The following NEDD4L variants were observed in gnomAD, a reference collection of about 807,000 sequenced individuals.
NEDD4L encodes NEDD4 like E3 ubiquitin protein ligase.
In NEDD4L, 54 loss-of-function variants were observed where a neutral mutation model predicts 148.9. The ratio of observed to expected loss-of-function variants is 0.36; its 90% CI spans 0.29 to 0.45. The LOEUF (loss-of-function observed/expected upper bound fraction) is 0.45. NEDD4L is among the 20% of genes least tolerant of loss of function. The pLI is 1.00. For missense variants in NEDD4L, 856 were observed against 1,233.8 expected (o/e 0.69, Z 4.59); for synonymous variants, 433 against 440.7 (o/e 0.98, Z 0.22).
chr18:58,097,903 C>A (rs551427064), intron 1 of NEDD4L, among the ~76,000 whole-genome samples: 7 of 152,192 alleles, frequency 4.6e-5, no homozygotes, highest in Non-Finnish European at 1.0e-4. Flanking sequence ...TGGTAGTGAA[C>A]CTATAGTCCC....
chr18:58,386,357 AT>A (rs974155743), intron 26 of NEDD4L, among the ~76,000 whole-genome samples: 1 of 150,976 alleles, frequency 6.6e-6, no homozygotes, highest in East Asian at 2.0e-4. Flanking sequence ...AGCCATGGAC[AT>A]TTTTTTTTAA....
intron 1 of NEDD4L, among the ~76,000 whole-genome samples, chr18:58,134,290 C>T (rs1183239470): frequency 6.6e-5 from 10 of 152,112 alleles, no homozygotes; most frequent in East Asian, 3.9e-4. Context: ...CATGAGCTAC[C>T]GCACCTGGCC....
rs1478646619 is a variant in NEDD4L at position 58,329,026 on chromosome 18, A to C, written c.712A>C (p.Arg238=). The change falls in exon 10 of 31, where the codon AGA becomes CGA. Residue 238 remains arginine, a synonymous_variant. Coordinates refer to ENST00000400345, the MANE Select transcript of NEDD4L (RefSeq NM_001144967.3). The part of the protein sequence containing the change: ...DVSSESDNNI[R]QINQEAAHRR... ...GTCCTCGGAGTCGGACAATAACATC[A>C]GACAGATCAACCAGGAGGCAGCACA... 1 of 1,613,876 alleles carries C rather than the reference A, an allele frequency of 6.2e-7. No homozygotes were observed. The highest frequency in any genetic ancestry group is 1.3e-5 in the African/African-American group (1 of 74,914).
intron 5 of NEDD4L, among the ~76,000 whole-genome samples, chr18:58,298,379 T>A (rs1034656729): frequency 6.6e-6 from 1 of 152,188 alleles, no homozygotes; most frequent in African/African-American, 2.4e-5. Context: ...TAGTAAAATA[T>A]GCAGCAACAA....
Position 58,169,118 on chromosome 18 carries a change from G to C in NEDD4L, c.122+3257G>C, listed in dbSNP as rs371496090. On this transcript the variant is annotated intron_variant, in intron 2 of 30. Transcript: ENST00000400345. ...CTGGAGGTGGCCCCTTCCCCCTTGA[G>C]AGGCCTGTGCCTGAAATGCCCTTGT... Among the ~76,000 whole-genome samples, 25 of 152,354 alleles carry C rather than the reference G, an allele frequency of 1.6e-4. No individual in the cohort carries two copies. In the East Asian group the frequency reaches 4.2e-3, roughly 26 times the overall value.
At chr18:58,359,168 G>T (rs1452730076) in intron 19 of NEDD4L, among the ~76,000 whole-genome samples, 2 of 151,904 alleles carry the variant, frequency 1.3e-5, no homozygotes, top group East Asian at 3.9e-4. Context: ...TTGCCCTGTC[G>T]ATGTTGTCTG....
At chr18:58,076,544 G>T (rs1270362737) in intron 1 of NEDD4L, among the ~76,000 whole-genome samples, 1 of 152,164 alleles carries the variant, frequency 6.6e-6, no homozygotes, top group Admixed American at 6.5e-5. Flanking sequence ...AGGGCCAAAA[G>T]ACTTTTTAAA....
At chr18:58,259,061 A>T (rs2048993733) in intron 5 of NEDD4L, among the ~76,000 whole-genome samples, 1 of 152,202 alleles carries the variant, frequency 6.6e-6, no homozygotes, top group Admixed American at 6.5e-5. Context: ...GTCTTCCTAG[A>T]TTTGGGAATA....
At chr18:58,137,533 A>C (rs2146070977) in intron 1 of NEDD4L, among the ~76,000 whole-genome samples, 1 of 152,238 alleles carries the variant, frequency 6.6e-6, no homozygotes, top group South Asian at 2.1e-4. Context: ...GATAACAGGG[A>C]GGAAAAGTCG....
intron 1 of NEDD4L, among the ~76,000 whole-genome samples, chr18:58,135,318 A>G (rs1489603908): frequency 6.6e-6 from 1 of 152,228 alleles, no homozygotes; most frequent in Non-Finnish European, 1.5e-5. Context: ...TAAGATCTGT[A>G]TTGACTTTAG....
intron 1 of NEDD4L, among the ~76,000 whole-genome samples, chr18:58,113,394 G>A (rs959988167): frequency 2.6e-5 from 4 of 152,192 alleles, no homozygotes; most frequent in African/African-American, 9.7e-5. Flanking sequence ...AGAAGGAAAG[G>A]GATTTCCAAG....
intron 18 of NEDD4L, among the ~76,000 whole-genome samples, chr18:58,356,512 A>G (rs1390840912): frequency 6.6e-6 from 1 of 152,174 alleles, no homozygotes; most frequent in Non-Finnish European, 1.5e-5. Flanking sequence ...TATCACCTAC[A>G]CAAGTAATGG....
chr18:58,252,465 C>A (rs1213171661), intron 5 of NEDD4L, among the ~76,000 whole-genome samples: 1 of 152,122 alleles, frequency 6.6e-6, no homozygotes, highest in Non-Finnish European at 1.5e-5. Context: ...TATGGTAATT[C>A]TCTCAGGGAA....
intron 1 of NEDD4L, among the ~76,000 whole-genome samples, chr18:58,101,927 A>G (rs920640284): frequency 6.6e-6 from 1 of 152,126 alleles, no homozygotes; most frequent in African/African-American, 2.4e-5. Context: ...ATTAGTATAG[A>G]AGCAAATGGT....
chr18:58,204,004 A>G (rs760006112), intron 2 of NEDD4L, among the ~76,000 whole-genome samples: 2 of 152,204 alleles, frequency 1.3e-5, no homozygotes, highest in Non-Finnish European at 2.9e-5. Flanking sequence ...AGAATGACTT[A>G]TAATAAAAAA....
intron 2 of NEDD4L, among the ~76,000 whole-genome samples, chr18:58,173,516 C>T (rs1308808731): frequency 3.3e-5 from 5 of 152,228 alleles, no homozygotes; most frequent in Non-Finnish European, 7.3e-5. Flanking sequence ...GAAAGTCCTT[C>T]TGCTGCCTAG....
At chr18:58,313,374 G>A (rs2057915055) in intron 5 of NEDD4L, among the ~76,000 whole-genome samples, 1 of 152,196 alleles carries the variant, frequency 6.6e-6, no homozygotes, top group East Asian at 1.9e-4. Flanking sequence ...TTGAGGAAAG[G>A]AACGGTTGGA....
intron 1 of NEDD4L, among the ~76,000 whole-genome samples, chr18:58,071,766 G>A (rs1849967076): frequency 6.6e-6 from 1 of 152,198 alleles, no homozygotes; most frequent in African/African-American, 2.4e-5. Flanking sequence ...ATGGCAGAAG[G>A]CGAATGAGGT....
chr18:58,267,172 A>G (rs1223034923), intron 5 of NEDD4L, among the ~76,000 whole-genome samples: 1 of 152,112 alleles, frequency 6.6e-6, no homozygotes, highest in Non-Finnish European at 1.5e-5. Context: ...CTCTAGGGTT[A>G]CAAGAATATG....
Sources: allele counts gnomAD v4.1 joint callset (sites outside exome capture counted in the v4.1 genomes callset), GRCh38; gene constraint gnomAD v4.1.1; transcripts MANE v1.5; gene names NCBI Gene and HGNC (gene_info 2026-07-23, HGNC 2026-07-21).